The following CLHC1 variants were observed in gnomAD, a reference collection of about 807,000 sequenced individuals.
CLHC1 encodes clathrin heavy chain linker domain-containing protein 1.
Under a neutral mutation model 69.5 loss-of-function variants are expected in CLHC1, and 72 were observed. The ratio of observed to expected loss-of-function variants is 1.04; its 90% CI spans 0.86 to 1.26. CLHC1 has a LOEUF of 1.26. Among genes scored for constraint, CLHC1 ranks in the 50% most tolerant of loss-of-function variants. The pLI is 0.00. For synonymous variants in CLHC1, 223 were observed against 224.3 expected (o/e 0.99, Z 0.05); for missense variants, 790 against 679.3 (o/e 1.16, Z -1.81).
At chr2:55,182,230 G>C (rs1422335945) in intron 9 of CLHC1, among the ~76,000 whole-genome samples, 2 of 152,118 alleles carry the variant, frequency 1.3e-5, no homozygotes, top group Non-Finnish European at 2.9e-5. Flanking sequence ...AAACTATCCT[G>C]CTTTAATGAC....
chr2:55,219,582 A>T (rs1673915390), intron 3 of CLHC1, among the ~76,000 whole-genome samples: 1 of 151,908 alleles, frequency 6.6e-6, no homozygotes, highest in Admixed American at 6.6e-5. Context: ...TTATTTATTT[A>T]TTTATTTATT....
rs1247183476 is a variant in CLHC1, at chr2:55,209,515, G to A, written c.703C>T (p.His235Tyr). 1 of 1,600,700 alleles carries A rather than the reference G, an allele frequency of 6.2e-7. No homozygotes were observed. Residue 235 changes from histidine (H) to tyrosine (Y), a missense_variant and splice_region_variant, in exon 7 of 13, where the codon CAT becomes TAT. His to Tyr is a moderately conservative substitution (Grantham distance 83, BLOSUM62 2). Transcript: ENST00000401408. ...ENLNKKLQFCHQRLQIISQAL... is the reference protein window; with the variant it reads ...ENLNKKLQFCYQRLQIISQAL... Reference sequence around the variant, plus strand: ...TGTGAAATTATCTGCAGTCTTTGATGACTAAAAAGATAAAAAACGTCAATA... The same window carrying A: ...TGTGAAATTATCTGCAGTCTTTGATAACTAAAAAGATAAAAAACGTCAATA...
At chr2:55,232,020 C>G (rs1320104944) in intron 1 of CLHC1, 1 of 152,330 alleles carries the variant, frequency 6.6e-6, no homozygotes, top group Non-Finnish European at 1.5e-5. Context: ...TTCAGTTTGC[C>G]TGGAGCAGGC....
chr2:55,193,060 A>G (rs1161838400), intron 9 of CLHC1, among the ~76,000 whole-genome samples: 1 of 150,524 alleles, frequency 6.6e-6, no homozygotes, highest in African/African-American at 2.5e-5. Flanking sequence ...CCGGCGGCTA[A>G]TTTTTGTATA....
At chr2:55,189,537 G>C (rs1018230515) in intron 9 of CLHC1, among the ~76,000 whole-genome samples, 2 of 152,198 alleles carry the variant, frequency 1.3e-5, no homozygotes, top group Non-Finnish European at 2.9e-5. Context: ...ACTGCCTGGA[G>C]AAAGTTTCCA....
chr2:55,214,495 A>C (rs1421997790), intron 4 of CLHC1: 7 of 152,308 alleles, frequency 4.6e-5, no homozygotes, highest in Admixed American at 2.0e-4. Flanking sequence ...AAGACAGGGC[A>C]AGATTCCGTC....
chr2:55,202,717 C>CA (rs754146645), intron 9 of CLHC1, among the ~76,000 whole-genome samples: 3 of 151,560 alleles, frequency 2.0e-5, no homozygotes, highest in Non-Finnish European at 2.9e-5. Flanking sequence ...GCCAACATGG[C>CA]AAAACTCCGT....
intron 9 of CLHC1, among the ~76,000 whole-genome samples, chr2:55,199,402 C>T (rs1170550122): frequency 6.6e-6 from 1 of 151,208 alleles, no homozygotes; most frequent in Non-Finnish European, 1.5e-5. Context: ...AAACTCACTG[C>T]TAATAGTAAG....
intron 9 of CLHC1, among the ~76,000 whole-genome samples, chr2:55,202,667 C>A (rs921300952): frequency 6.6e-6 from 1 of 151,676 alleles, no homozygotes; most frequent in East Asian, 1.9e-4. Flanking sequence ...GAGGTCAAGG[C>A]GGGCTGATCA....
chr2:55,184,115 T>TC (rs1221210663), intron 9 of CLHC1, among the ~76,000 whole-genome samples: 1 of 149,138 alleles, frequency 6.7e-6, no homozygotes, highest in Non-Finnish European at 1.5e-5. Flanking sequence ...TATTTTTTTT[T>TC]TTTTTTTCGA....
At chr2:55,208,160 G>C (rs1672622512) in intron 8 of CLHC1, among the ~76,000 whole-genome samples, 1 of 152,074 alleles carries the variant, frequency 6.6e-6, no homozygotes, top group Non-Finnish European at 1.5e-5. Flanking sequence ...ATACAGGCTG[G>C]GTTTCCCTTA....
chr2:55,208,386 T>G (rs1366988013), intron 8 of CLHC1, among the ~76,000 whole-genome samples: 2 of 152,226 alleles, frequency 1.3e-5, no homozygotes, highest in East Asian at 1.9e-4. Flanking sequence ...CATATTGATC[T>G]ATCACAAAAC....
In CLHC1 at chr2:55,209,752, A is replaced by G. The variant is rs138685385; in HGVS notation, c.579T>C (p.Ile193=). 7.6e-4 allele frequency: 1,230 copies of G among 1,611,954 alleles called. No homozygotes were observed. The highest frequency in any genetic ancestry group is 9.5e-4 in the Non-Finnish European group (1,122 of 1,178,282). Residue 193 remains isoleucine (I), a synonymous_variant, in exon 6 of 13, where the codon ATT becomes ATC. Coordinates refer to ENST00000401408, the MANE Select transcript of CLHC1 (RefSeq NM_152385.4). ...CATATTTTATCAACATAGCTTGTTT[A>G]ATTTCTGCATATTTATCTTCAAGAT... ...MKHLEDKYAE[I]KQAMLIKYVP... is the part of the protein sequence containing the mutation.
At chr2:55,199,296 C>CAAA (rs57570449) in intron 9 of CLHC1, among the ~76,000 whole-genome samples, 85 of 70,870 alleles carry the variant, frequency 1.2e-3, no homozygotes, top group African/African-American at 1.5e-3. Context: ...GACTCCATCT[C>CAAA]AAAAAAAAAA....
At chr2:55,220,297 G>C (rs558799091) in intron 3 of CLHC1, among the ~76,000 whole-genome samples, 67 of 152,254 alleles carry the variant, frequency 4.4e-4, no homozygotes, top group African/African-American at 1.6e-3. Flanking sequence ...CCTTTTAAGA[G>C]GGTAGGAAGA....
At chr2:55,230,020 C>G (rs1675118230) in intron 1 of CLHC1, among the ~76,000 whole-genome samples, 1 of 152,124 alleles carries the variant, frequency 6.6e-6, no homozygotes, top group Admixed American at 6.5e-5. Flanking sequence ...TGCGGTGAGC[C>G]AAGATTGTGC....
rs765608051 is a variant in CLHC1, at chr2:55,209,815, T to C, written c.516A>G (p.Glu172=). ...SKPIPGMTLQ[E]SMNLDALTKY... is the part of the protein sequence containing the mutation. ...TAGTGAGAGCATCTAGATTCATGGA[T>C]TCTTGAAGAGTCATGCCTATGGGGA... Residue 172 remains glutamate (E), a synonymous_variant, in exon 6 of 13, where the codon GAA becomes GAG. Transcript: ENST00000401408. 3 of 1,606,896 alleles carry C rather than the reference T, an allele frequency of 1.9e-6. No individual in the cohort carries two copies. In the African/African-American group the frequency reaches 4.0e-5, roughly 21 times the overall value.
At chr2:55,192,888 C>CTT (rs71410488) in intron 9 of CLHC1, among the ~76,000 whole-genome samples, 15 of 117,196 alleles carry the variant, frequency 1.3e-4, no homozygotes, top group Admixed American at 1.7e-4. Flanking sequence ...ATCTCTGTGA[C>CTT]TTTTTTTTTT....
At chr2:55,180,145 T>A (rs893306746) in intron 11 of CLHC1, among the ~76,000 whole-genome samples, 3 of 146,072 alleles carry the variant, frequency 2.1e-5, no homozygotes, top group African/African-American at 7.5e-5. Flanking sequence ...AGAGTGAGAC[T>A]CCATCTCAAA....
Sources: allele counts gnomAD v4.1 joint callset (sites outside exome capture counted in the v4.1 genomes callset), GRCh38; gene constraint gnomAD v4.1.1; transcripts MANE v1.5; gene names NCBI Gene and HGNC (gene_info 2026-07-23, HGNC 2026-07-21).